ARHGAP17: variants seen among roughly 807,000 people sequenced by gnomAD.
ARHGAP17 encodes the protein rho GTPase-activating protein 17.
A neutral mutation model predicts 99.5 loss-of-function variants in ARHGAP17; 57 were observed. The observed-to-expected ratio is 0.57, with a 90% CI of 0.46 to 0.71. ARHGAP17 has a LOEUF of 0.71. ARHGAP17 is among the 30% of genes least tolerant of loss of function. ARHGAP17 has a pLI of 0.00. For synonymous variants in ARHGAP17, 417 were observed against 429.6 expected, an observed-to-expected ratio of 0.97 and a Z score of 0.36; for missense variants, 1,000 against 1,122.4, an observed-to-expected ratio of 0.89 and a Z score of 1.56.
chr16:24,968,452 G>A, intron 5 of ARHGAP17, 25 bp from the exon 6 acceptor site: 1 of 1,612,824 alleles, frequency 6.2e-7, no homozygotes, highest in Non-Finnish European at 8.5e-7. Flanking sequence ...ATACCAAATG[G>A]GATGCACTTC....
chr16:24,982,988 ATATATATATTTTTTTTTTTTTTT>A lies in ARHGAP17; in HGVS notation c.54-4006_54-3984del, dbSNP rs2052736207. On this transcript the variant is annotated intron_variant, in intron 1 of 19. Coordinates refer to ENST00000289968, the MANE Select transcript of ARHGAP17 (RefSeq NM_001006634.3). Reference sequence around the variant, plus strand: ...ATCATATATATATATATATATATATATATATATATTTTTTTTTTTTTTTTTTTTTTTTTTGAGACAGGGTCTCG... The same window carrying A: ...ATCATATATATATATATATATATATATTTTTTTTTTTGAGACAGGGTCTCG... Among the ~76,000 whole-genome samples, 7 of 31,908 alleles carry A rather than the reference ATATATATATTTTTTTTTTTTTTT, an allele frequency of 2.2e-4. No homozygotes were observed. In the South Asian group the frequency reaches 7.1e-3, roughly 32 times the overall value. The allele number at this position is 31,908 out of a possible 152,430, so 20.9% of individuals were successfully genotyped here. A position where few individuals can be genotyped will look rare whatever the true frequency, so the allele number is the denominator to read the frequency against.
At chr16:25,002,134 A>C (rs920886522) in intron 1 of ARHGAP17, among the ~76,000 whole-genome samples, 5 of 152,124 alleles carry the variant, frequency 3.3e-5, no homozygotes, top group Non-Finnish European at 7.3e-5. Flanking sequence ...GCCATAAATC[A>C]ATGGAATAGA....
intron 7 of ARHGAP17, among the ~76,000 whole-genome samples, chr16:24,962,424 T>C (rs2052038718): frequency 1.3e-5 from 2 of 152,198 alleles, no homozygotes; most frequent in African/African-American, 4.8e-5. Context: ...GTATGTCTGT[T>C]TTGGAATGGG....
Position 24,920,075 on chromosome 16 carries a change from G to A in ARHGAP17, c.*55C>T. ...GGTCTGCAAAGAAAGAGGTTCGCCT[G>A]CCCCTGCTCCACTCGCCAGGGTGGA... On this transcript the variant is annotated 3_prime_UTR_variant, in exon 20 of 20. Transcript: ENST00000289968. 6.3e-7 allele frequency: 1 copy of A among 1,594,944 alleles called. No individual in the cohort carries two copies. The highest frequency in any genetic ancestry group is 8.6e-7 in the Non-Finnish European group (1 of 1,167,504).
chr16:24,977,842 G>C (rs899555198), intron 2 of ARHGAP17, among the ~76,000 whole-genome samples: 1 of 152,160 alleles, frequency 6.6e-6, no homozygotes, highest in Non-Finnish European at 1.5e-5. Flanking sequence ...TTATGGCAAA[G>C]AGAGCCGCTT....
At chr16:24,992,110 G>A (rs2053060761) in intron 1 of ARHGAP17, among the ~76,000 whole-genome samples, 1 of 152,152 alleles carries the variant, frequency 6.6e-6, no homozygotes, top group Non-Finnish European at 1.5e-5. Flanking sequence ...AGATGTGGCT[G>A]CAGAGAAAGG....
intron 18 of ARHGAP17, among the ~76,000 whole-genome samples, chr16:24,932,398 T>C (rs2051018624): frequency 6.6e-6 from 1 of 152,164 alleles, no homozygotes. Flanking sequence ...GCCACCCCAA[T>C]GACACGGAAG....
chr16:24,985,545 G>C (rs985531546), intron 1 of ARHGAP17, among the ~76,000 whole-genome samples: 1 of 152,066 alleles, frequency 6.6e-6, no homozygotes, highest in Non-Finnish European at 1.5e-5. Flanking sequence ...CTGACTCTGC[G>C]ACCTCCCTCT....
chr16:24,957,745 G>C (rs148872287), intron 9 of ARHGAP17, among the ~76,000 whole-genome samples: 164 of 152,228 alleles, frequency 1.1e-3, no homozygotes, highest in Non-Finnish European at 1.8e-3. Flanking sequence ...AGAAAATGCA[G>C]GTGGCAGGCA....
intron 1 of ARHGAP17, among the ~76,000 whole-genome samples, chr16:25,010,704 C>T (rs757171031): frequency 9.9e-5 from 15 of 152,204 alleles, no homozygotes; most frequent in South Asian, 2.1e-4. Context: ...TTGGATTAAA[C>T]GCCAGCTAGT....
In ARHGAP17 at chr16:24,954,693, T is replaced by C. The variant is rs1440505557; in HGVS notation, c.762A>G (p.Leu254=). Residue 254 remains leucine (L), a synonymous_variant, in exon 10 of 20, where the codon CTA becomes CTG. Coordinates refer to ENST00000289968, the MANE Select transcript of ARHGAP17 (RefSeq NM_001006634.3). ...GCCCGCTCCTCTTCAGGTGTTCTTC[T>C]AGGGGAGTCCCAAAGGCTGGTTTTT... ...WAEKPAFGTP[L]EEHLKRSGRE... 28 of 1,614,064 alleles carry C rather than the reference T, an allele frequency of 1.7e-5. No individual in the cohort carries two copies. The highest frequency in any genetic ancestry group is 2.1e-5 in the Non-Finnish European group (25 of 1,179,974).
intron 12 of ARHGAP17, among the ~76,000 whole-genome samples, chr16:24,951,608 C>T (rs770506297): frequency 6.6e-6 from 1 of 152,140 alleles, no homozygotes; most frequent in Non-Finnish European, 1.5e-5. Context: ...TCAACCTACT[C>T]GACATGAAGA....
At chr16:24,973,753 G>A (rs531486607) in intron 3 of ARHGAP17, among the ~76,000 whole-genome samples, 2 of 152,340 alleles carry the variant, frequency 1.3e-5, no homozygotes, top group Admixed American at 6.5e-5. Context: ...TCTCCCCCAT[G>A]AGACCATGAA....
intron 19 of ARHGAP17, among the ~76,000 whole-genome samples, chr16:24,922,085 T>C (rs1281946331): frequency 6.6e-6 from 1 of 152,230 alleles, no homozygotes; most frequent in Non-Finnish European, 1.5e-5. Flanking sequence ...CAATCCTCCA[T>C]TCTTACATCC....
chr16:24,989,955 A>T (rs1314863448), intron 1 of ARHGAP17, among the ~76,000 whole-genome samples: 1 of 152,224 alleles, frequency 6.6e-6, no homozygotes, highest in African/African-American at 2.4e-5. Context: ...ATAGCACTGT[A>T]GGGTGAATAT....
At position 24,974,378 on chromosome 16, in the gene ARHGAP17, C is replaced by T. The variant is rs141759422; in HGVS notation, c.198+2837G>A. On this transcript the variant is annotated intron_variant, in intron 3 of 19. Transcript: ENST00000289968. ...CCGGGTGGTGGAGGATGCAGTGAGC[C>T]GGGATCAACCACTGCGCTCCAGCCT... Among the ~76,000 whole-genome samples the T allele has an allele frequency of 2.0e-3, 307 of 152,170 alleles. 2 individuals carry two copies. The highest frequency in any genetic ancestry group is 7.2e-3 in the African/African-American group (298 of 41,516).
At position 24,955,568 on chromosome 16, in the gene ARHGAP17, C is replaced by T. The variant is rs1231687293; in HGVS notation, c.725-838G>A. 1 of 152,294 alleles carries T rather than the reference C, an allele frequency of 6.6e-6. No homozygotes were observed. The highest frequency in any genetic ancestry group is 3.4e-3 in the Middle Eastern group (1 of 294). The allele number at this position is 152,294 out of a possible 1,614,324, so 9.4% of individuals were successfully genotyped here. ...GAGATCTAGTGCTATCTGAGCAGCT[C>T]GCAGAAGCAAAGGAGGGCAAACCAG... is the stretch of plus-strand genomic sequence containing the variant. On this transcript the variant is annotated intron_variant, in intron 9 of 19. Transcript: ENST00000289968. This position sits in a 1 kb window ranked among gnomAD's most constrained non-coding sequence, Gnocchi z 4.0.
chr16:24,965,152 C>G (rs1268044630), intron 6 of ARHGAP17, among the ~76,000 whole-genome samples: 12 of 151,310 alleles, frequency 7.9e-5, no homozygotes, highest in Non-Finnish European at 1.8e-4. Flanking sequence ...TAAATGTAAA[C>G]ATAGATGTTA....
At chr16:24,963,019 T>C (rs2052056933) in intron 7 of ARHGAP17, among the ~76,000 whole-genome samples, 1 of 152,202 alleles carries the variant, frequency 6.6e-6, no homozygotes, top group Non-Finnish European at 1.5e-5. Flanking sequence ...TACTGACAAG[T>C]GTGGAAGTTG....
Sources: allele counts gnomAD v4.1 joint callset (sites outside exome capture counted in the v4.1 genomes callset), GRCh38; gene constraint gnomAD v4.1.1; non-coding constraint Gnocchi (gnomAD v3.1); transcripts MANE v1.5; gene names NCBI Gene and HGNC (gene_info 2026-07-23, HGNC 2026-07-21).